ZNF28: variants seen among roughly 807,000 people sequenced by gnomAD.
ZNF28 encodes zinc finger protein 28.
ZNF28 carries 5 observed loss-of-function variants against 7.2 expected under a neutral mutation model. That is an observed-to-expected ratio of 0.70 (90% CI 0.36 to 1.46). The LOEUF is 1.46. Among genes scored for constraint, ZNF28 ranks in the 40% most tolerant of loss-of-function variants. The probability of loss-of-function intolerance (pLI) is 0.03; values close to 1 mark genes in which losing one functional copy is unlikely to be tolerated. For synonymous variants in ZNF28, 288 were observed against 292.4 expected, an observed-to-expected ratio of 0.99 and a Z score of 0.15; for missense variants, 879 against 866.6, an observed-to-expected ratio of 1.01 and a Z score of -0.18.
intron 2 of ZNF28, 43 bp downstream of exon 2, chr19:52,817,901 G>A (rs2063147247): frequency 3.1e-6 from 5 of 1,609,262 alleles, no homozygotes; most frequent in Non-Finnish European, 4.2e-6. Flanking sequence ...CAGCGTTTCT[G>A]AAAGGAAGGA....
rs1180806192 is a variant in ZNF28, at chr19:52,814,878, C to T, written c.15+3066G>A. On this transcript the variant is annotated intron_variant, in intron 2 of 3. Coordinates refer to ENST00000457749, the MANE Select transcript of ZNF28 (RefSeq NM_006969.5). ...CTCCAGCCTGGGCAACAGAGCCAGA[C>T]CTTGTCTCAAAATAAAATAAATATA... Among the ~76,000 whole-genome samples, 3 of 146,312 alleles carry T rather than the reference C, an allele frequency of 2.1e-5. 1 individual carries two copies. Among genetic ancestry groups the T allele is most frequent in the African/African-American group, 8.0e-5 (3 of 37,642 alleles).
chr19:52,818,710 A>C (rs2063157908), intron 1 of ZNF28, among the ~76,000 whole-genome samples: 1 of 21,536 alleles, frequency 4.6e-5, no homozygotes, highest in Admixed American at 3.9e-4. Flanking sequence ...CAAAAATAAA[A>C]AAATACAAAT....
chr19:52,811,607 G>A lies in ZNF28; in HGVS notation c.16-3474C>T, dbSNP rs1302367080. ...CAACCCTGTCTGGGAGGTGAGGAGC[G>A]TCTCTGCCCGGCCGCCCCGTCTGAG... On this transcript the variant is annotated intron_variant, in intron 2 of 3. Coordinates refer to ENST00000457749, the MANE Select transcript of ZNF28 (RefSeq NM_006969.5). Among the ~76,000 whole-genome samples the A allele has an allele frequency of 5.5e-5, 8 of 145,390 alleles. No individual in the cohort carries two copies. The South Asian group carries it at 6.5e-4, about 12-fold the overall frequency.
rs148770706 is a variant in ZNF28, at chr19:52,800,024, G to A, written c.1821C>T (p.Tyr607=). 3.0e-5 allele frequency: 49 copies of A among 1,614,062 alleles called. No individual in the cohort carries two copies. In the African/African-American group the frequency reaches 5.3e-4, roughly 18 times the overall value. The change falls in exon 4 of 4, where the codon TAC becomes TAT. Residue 607 remains tyrosine (Y), a synonymous_variant. Transcript: ENST00000457749. The stretch of plus-strand genomic sequence containing the variant: ...AGGTCTTGCCACACTCATTACACTT[G>A]TAAGGTTTCTCTCCAGTATGAACTC... The part of the protein sequence containing the change: ...HQRVHTGEKP[Y]KCNECGKTFR...
intron 3 of ZNF28, among the ~76,000 whole-genome samples, chr19:52,803,625 C>A (rs777815075): frequency 1.3e-5 from 2 of 152,168 alleles, no homozygotes. Context: ...AAGATCACTA[C>A]TTTCTGATAT....
At chr19:52,810,917 CCA>C (rs1345550376) in intron 2 of ZNF28, among the ~76,000 whole-genome samples, 2 of 103,436 alleles carry the variant, frequency 1.9e-5, no homozygotes, top group African/African-American at 8.5e-5. Context: ...CCCTCTCCCT[CCA>C]CAGTCTCCCT....
At position 52,801,544 on chromosome 19, in the gene ZNF28, A is replaced by G. The variant is rs1484695360; in HGVS notation, c.301T>C (p.Trp101Arg). ...TGGTCATTTGTTTCATCTTCTTTCC[A>G]CTGAAACTGGAAGCCATGAATGTCT... ...EKDIHGFQFQWKEDETNDHAA... is the reference protein window; with the variant it reads ...EKDIHGFQFQRKEDETNDHAA... Residue 101 changes from tryptophan to arginine, a missense_variant, in exon 4 of 4, where the codon TGG becomes CGG. By Grantham distance (101) the Trp-to-Arg change is moderately radical. Coordinates refer to ENST00000457749, the MANE Select transcript of ZNF28 (RefSeq NM_006969.5). 1 of 1,614,070 alleles carries G rather than the reference A, an allele frequency of 6.2e-7. No individual in the cohort carries two copies. Among genetic ancestry groups the G allele is most frequent in the Admixed American group, 1.7e-5 (1 of 60,008 alleles).
chr19:52,809,822 AGGCGGC>A (rs112288552), intron 2 of ZNF28: 4 of 527,222 alleles, frequency 7.6e-6, no homozygotes, highest in East Asian at 3.3e-5. Flanking sequence ...TGAGCGGCGA[AGGCGGC>A]GGCGGCGGCG....
chr19:52,804,164 T>C (rs888688844), intron 3 of ZNF28, among the ~76,000 whole-genome samples: 12 of 152,196 alleles, frequency 7.9e-5, no homozygotes, highest in African/African-American at 1.9e-4. Flanking sequence ...AGCAGGAATA[T>C]GGCTGGTCTA....
chr19:52,818,374 C>T (rs780137242), intron 1 of ZNF28, among the ~76,000 whole-genome samples: 3 of 152,088 alleles, frequency 2.0e-5, no homozygotes, highest in Non-Finnish European at 2.9e-5. Flanking sequence ...CTCAGAAGTT[C>T]GAGACCAGCC....
At chr19:52,817,381 TA>T (rs1362946476) in intron 2 of ZNF28, among the ~76,000 whole-genome samples, 1 of 152,044 alleles carries the variant, frequency 6.6e-6, no homozygotes, top group African/African-American at 2.4e-5. Context: ...TCAAAAAAAA[TA>T]ATAATAATGA....
At chr19:52,802,800 G>A (rs1270730423) in intron 3 of ZNF28, among the ~76,000 whole-genome samples, 8 of 136,776 alleles carry the variant, frequency 5.8e-5, no homozygotes, top group African/African-American at 1.1e-4. Context: ...TTGCTCTGTC[G>A]CCCAGGCTGG....
At position 52,800,630 on chromosome 19, in the gene ZNF28, A is replaced by G. The variant is rs1297636053; in HGVS notation, c.1215T>C (p.His405=). 7.4e-6 allele frequency: 12 copies of G among 1,613,226 alleles called. No homozygotes were observed. Among genetic ancestry groups the G allele is most frequent in the Non-Finnish European group, 9.3e-6 (11 of 1,179,720 alleles). The change falls in exon 4 of 4, where the codon CAT becomes CAC. Residue 405 remains histidine (H), a synonymous_variant. Transcript: ENST00000457749. ...TACATTTGTATGGTTTCTCTCCAGT[A>G]TGAATCCTCTTATGTCTTTCAAGAT... ...KSHLERHKRI[H]TGEKPYKCKV... is the part of the protein sequence containing the mutation.
intron 2 of ZNF28, chr19:52,809,759 C>T: frequency 2.1e-6 from 1 of 472,938 alleles, no homozygotes; most frequent in South Asian, 3.0e-5. Flanking sequence ...GAGCTGAGAT[C>T]ATGCCACTTC....
intron 2 of ZNF28, among the ~76,000 whole-genome samples, chr19:52,811,772 G>GC (rs1005041183): frequency 2.0e-4 from 29 of 147,510 alleles, no homozygotes; most frequent in African/African-American, 7.1e-4. Flanking sequence ...GGGGGGGTCA[G>GC]CCCCCCGCCC....
intron 3 of ZNF28, among the ~76,000 whole-genome samples, chr19:52,803,014 G>A (rs948217803): frequency 2.6e-5 from 4 of 151,988 alleles, no homozygotes; most frequent in African/African-American, 9.7e-5. Context: ...CCTTGCCTCA[G>A]CCTCCCAAAG....
intron 2 of ZNF28, among the ~76,000 whole-genome samples, chr19:52,809,053 T>C (rs2062976548): frequency 6.6e-6 from 1 of 152,154 alleles, no homozygotes; most frequent in African/African-American, 2.4e-5. Flanking sequence ...TATGTACATA[T>C]ATGAAGTTTT....
chr19:52,803,601 C>G (rs2062900707), intron 3 of ZNF28, among the ~76,000 whole-genome samples: 1 of 152,112 alleles, frequency 6.6e-6, no homozygotes, highest in Non-Finnish European at 1.5e-5. Context: ...AACATAAGAA[C>G]TGAAATAGAT....
intron 2 of ZNF28, among the ~76,000 whole-genome samples, chr19:52,810,970 G>A (rs1158541251): frequency 2.2e-5 from 3 of 137,364 alleles, no homozygotes; most frequent in African/African-American, 5.4e-5. Context: ...CTGCCATCTC[G>A]GCTCACTGCA....
Sources: allele counts gnomAD v4.1 joint callset (sites outside exome capture counted in the v4.1 genomes callset), GRCh38; gene constraint gnomAD v4.1.1; transcripts MANE v1.5; gene names NCBI Gene and HGNC (gene_info 2026-07-23, HGNC 2026-07-21).